CDK14: variants seen among roughly 807,000 people sequenced by gnomAD.
The protein encoded by CDK14 is cyclin-dependent kinase 14.
CDK14 carries 34 observed loss-of-function variants against 60.7 expected under a neutral mutation model. That is an observed-to-expected ratio of 0.56 (90% CI 0.43 to 0.75). The LOEUF is 0.75. Among genes scored for constraint, CDK14 ranks in the 30% least tolerant of loss-of-function variants. The pLI is 0.00. For missense variants in CDK14, 482 were observed against 564.1 expected, an observed-to-expected ratio of 0.85 and a Z score of 1.47; for synonymous variants, 197 against 203.7, an observed-to-expected ratio of 0.97 and a Z score of 0.28.
At chr7:90,993,253 T>C (rs1795588330) in intron 10 of CDK14, among the ~76,000 whole-genome samples, 1 of 152,102 alleles carries the variant, frequency 6.6e-6, no homozygotes, top group African/African-American at 2.4e-5. Context: ...TAGTGAAGAA[T>C]TGGGAGACAC....
intron 10 of CDK14, among the ~76,000 whole-genome samples, chr7:90,986,695 C>G (rs182282855): frequency 6.6e-6 from 1 of 151,880 alleles, no homozygotes; most frequent in South Asian, 2.1e-4. Context: ...CTTTAATGGG[C>G]TGTAGTTTAT....
At chr7:90,893,175 C>T (rs1792190991) in intron 6 of CDK14, among the ~76,000 whole-genome samples, 1 of 152,104 alleles carries the variant, frequency 6.6e-6, no homozygotes, top group Admixed American at 6.5e-5. Flanking sequence ...CCACCGACTT[C>T]ATGGAAGGCA....
chr7:91,178,347 C>T (rs1216952268), intron 14 of CDK14, among the ~76,000 whole-genome samples: 10 of 133,556 alleles, frequency 7.5e-5, no homozygotes, highest in Non-Finnish European at 1.4e-4. Flanking sequence ...AGACCTAAAA[C>T]CATAAAAACC....
intron 6 of CDK14, among the ~76,000 whole-genome samples, chr7:90,874,433 A>T: frequency 6.6e-6 from 1 of 151,614 alleles, no homozygotes; most frequent in Non-Finnish European, 1.5e-5. Flanking sequence ...TAAAGTGAAA[A>T]AGAAACCAAG....
chr7:91,098,885 A>G (rs564307257), intron 12 of CDK14, among the ~76,000 whole-genome samples: 1 of 152,276 alleles, frequency 6.6e-6, no homozygotes, highest in South Asian at 2.1e-4. Flanking sequence ...GCATTAAGTG[A>G]AAAATCTGAT....
intron 9 of CDK14, among the ~76,000 whole-genome samples, chr7:90,965,395 A>T (rs1295625112): frequency 6.6e-6 from 1 of 152,196 alleles, no homozygotes; most frequent in African/African-American, 2.4e-5. Flanking sequence ...TCTGCATGTT[A>T]GACCATGTTT....
chr7:90,893,029 C>T (rs556435024), intron 6 of CDK14, among the ~76,000 whole-genome samples: 6 of 152,250 alleles, frequency 3.9e-5, no homozygotes, highest in South Asian at 2.1e-4. Context: ...CTGCCTGCCT[C>T]GGCCTCCCAG....
At chr7:90,850,171 T>C (rs1311987349) in intron 5 of CDK14, among the ~76,000 whole-genome samples, 1 of 152,034 alleles carries the variant, frequency 6.6e-6, no homozygotes, top group East Asian at 1.9e-4. Context: ...TGAGAATGGA[T>C]TTATTTTTTA....
intron 13 of CDK14, among the ~76,000 whole-genome samples, chr7:91,113,756 C>A (rs1799535947): frequency 6.6e-6 from 1 of 152,060 alleles, no homozygotes; most frequent in South Asian, 2.1e-4. Context: ...ATGGCAATAA[C>A]CCTTTATTTT....
At chr7:90,777,661 C>T (rs1805105555) in intron 4 of CDK14, among the ~76,000 whole-genome samples, 1 of 152,158 alleles carries the variant, frequency 6.6e-6, no homozygotes, top group African/African-American at 2.4e-5. Context: ...CTCGGCCCAT[C>T]CCTCTCCATG....
intron 2 of CDK14, among the ~76,000 whole-genome samples, chr7:90,684,748 G>A (rs376772546): frequency 2.6e-5 from 4 of 152,048 alleles, no homozygotes; most frequent in Non-Finnish European, 2.9e-5. Flanking sequence ...CCATCACACC[G>A]TGTTTATGGT....
chr7:90,812,187 A>G (rs1041170269), intron 5 of CDK14, among the ~76,000 whole-genome samples: 8 of 152,240 alleles, frequency 5.3e-5, no homozygotes, highest in African/African-American at 1.9e-4. Context: ...TTGTGGCACT[A>G]TTAGCAATAG....
At chr7:91,193,533 A>G (rs927050802) in intron 14 of CDK14, among the ~76,000 whole-genome samples, 7 of 152,172 alleles carry the variant, frequency 4.6e-5, no homozygotes, top group African/African-American at 7.2e-5. Flanking sequence ...AAAATATGCA[A>G]TTATAACATT....
chr7:91,122,768 A>T (rs1362201982), intron 14 of CDK14, among the ~76,000 whole-genome samples: 1 of 152,050 alleles, frequency 6.6e-6, no homozygotes, highest in East Asian at 1.9e-4. Flanking sequence ...TTTGCCTCAG[A>T]TTCAAACCCT....
At chr7:90,692,853 C>T (rs1314549831) in intron 2 of CDK14, 1 of 155,934 alleles carries the variant, frequency 6.4e-6, no homozygotes, top group Admixed American at 6.6e-5. Context: ...TTCCACTTTT[C>T]ATTATATTTT....
At chr7:90,771,972 G>C (rs1445805425) in intron 4 of CDK14, among the ~76,000 whole-genome samples, 1 of 152,234 alleles carries the variant, frequency 6.6e-6, no homozygotes, top group Non-Finnish European at 1.5e-5. Flanking sequence ...ATTGGAAAAT[G>C]TTTTGGAACA....
rs1793332483 is a variant in CDK14 at position 90,923,960 on chromosome 7, T to C, written c.826+6236T>C. ...TAGGTGTTGTTAACAGTAGTAACAC[T>C]GAAATGAATCACAGTGGATTTATGT... On this transcript the variant is annotated intron_variant, in intron 8 of 14. Coordinates refer to ENST00000380050, the MANE Select transcript of CDK14 (RefSeq NM_001287135.2). Among the ~76,000 whole-genome samples, 3 of 152,254 alleles carry C rather than the reference T, an allele frequency of 2.0e-5. No individual in the cohort carries two copies. The South Asian group carries it at 6.2e-4, about 31-fold the overall frequency.
chr7:90,702,318 G>T (rs62469735), intron 2 of CDK14, among the ~76,000 whole-genome samples: 1 of 152,094 alleles, frequency 6.6e-6, no homozygotes, highest in Non-Finnish European at 1.5e-5. Context: ...GGGTTGCAGA[G>T]TAGGTTAAAG....
intron 14 of CDK14, among the ~76,000 whole-genome samples, chr7:91,179,685 C>G (rs186705762): frequency 6.6e-6 from 1 of 151,928 alleles, no homozygotes; most frequent in South Asian, 2.1e-4. Context: ...CGCCTGTAGT[C>G]CCAGCTACTT....
Sources: allele counts gnomAD v4.1 joint callset (sites outside exome capture counted in the v4.1 genomes callset), GRCh38; gene constraint gnomAD v4.1.1; transcripts MANE v1.5; gene names NCBI Gene and HGNC (gene_info 2026-07-23, HGNC 2026-07-21).